JDP2: variants seen among roughly 807,000 people sequenced by gnomAD.
JDP2 encodes the protein Jun dimerization protein 2.
JDP2 carries 9 observed loss-of-function variants against 17.1 expected under a neutral mutation model. The ratio of observed to expected loss-of-function variants is 0.53; its 90% CI spans 0.32 to 0.92. JDP2 has a LOEUF of 0.92. Among genes scored for constraint, JDP2 ranks in the 40% least tolerant of loss-of-function variants. The pLI, the probability that JDP2 is intolerant of heterozygous loss-of-function variation, is 0.04. For missense variants in JDP2, 179 were observed against 220.0 expected (o/e 0.81, Z 1.18); for synonymous variants, 107 against 95.6 (o/e 1.12, Z -0.69).
rs1886801319 is a variant in JDP2, at chr14:75,471,147, A to T, written c.*1672A>T. ...GAAGCTTATGAGGCCACAGTTATAG[A>T]TTTAGTTTCTGGGAAGGCTGGATAG... On this transcript the variant is annotated 3_prime_UTR_variant, in exon 4 of 4. Transcript: ENST00000651602. 6.6e-6 allele frequency: 1 copy of T among 152,192 alleles called. No homozygotes were observed. Among genetic ancestry groups the T allele is most frequent in the South Asian group, 2.1e-4 (1 of 4,828 alleles). The allele number at this position is 152,192 out of a possible 1,614,324, so 9.4% of individuals were successfully genotyped here.
intron 2 of JDP2, among the ~76,000 whole-genome samples, chr14:75,460,414 C>T (rs1477459): frequency 0.38 from 57,319 of 151,776 alleles, 11,295 homozygotes; most frequent in South Asian, 0.45. Context: ...AAGAAAGGAA[C>T]ATTGGGTATG....
chr14:75,461,585 A>T (rs1594973461), intron 3 of JDP2, 55 bp downstream of exon 3: 2 of 1,349,036 alleles, frequency 1.5e-6, no homozygotes, highest in Admixed American at 3.9e-5. Context: ...GAGCTTGTGT[A>T]CTCTGGACCA....
intron 2 of JDP2, among the ~76,000 whole-genome samples, chr14:75,444,733 T>C (rs1390604419): frequency 1.3e-5 from 2 of 152,218 alleles, no homozygotes; most frequent in African/African-American, 2.4e-5. Flanking sequence ...AGTATGTCCG[T>C]AAATTACCTT....
At chr14:75,439,150 A>G (rs1446160693) in intron 2 of JDP2, among the ~76,000 whole-genome samples, 1 of 152,238 alleles carries the variant, frequency 6.6e-6, no homozygotes, top group Admixed American at 6.5e-5. Flanking sequence ...TTCGTGGAGA[A>G]GGGTGTCTGG....
At chr14:75,439,920 A>C (rs1259907078) in intron 2 of JDP2, among the ~76,000 whole-genome samples, 1 of 152,194 alleles carries the variant, frequency 6.6e-6, no homozygotes, top group East Asian at 1.9e-4. Context: ...GGGGTTGATG[A>C]AGAGCCAGGT....
chr14:75,459,842 G>C (rs750901004), intron 2 of JDP2, among the ~76,000 whole-genome samples: 1 of 152,210 alleles, frequency 6.6e-6, no homozygotes, highest in Non-Finnish European at 1.5e-5. Context: ...GCAGCAAGAG[G>C]TGCCACATCA....
intron 2 of JDP2, among the ~76,000 whole-genome samples, chr14:75,441,778 C>G (rs1885364049): frequency 6.6e-6 from 1 of 152,180 alleles, no homozygotes; most frequent in Non-Finnish European, 1.5e-5. Context: ...CAGAGCTTTC[C>G]TTCCTTGACT....
chr14:75,461,562 C>T, intron 3 of JDP2, 32 bp downstream of exon 3: 1 of 1,513,230 alleles, frequency 6.6e-7, no homozygotes, highest in East Asian at 2.3e-5. Context: ...GGAGGCCTGC[C>T]ATTCCTTGGA....
intron 1 of JDP2, chr14:75,432,095 C>T (rs187953917): frequency 3.5e-6 from 2 of 577,662 alleles, no homozygotes; most frequent in Non-Finnish European, 6.2e-6. Flanking sequence ...CACTCTTAAC[C>T]CCCCCTTCCT....
chr14:75,435,616 C>G (rs1249093143), intron 1 of JDP2, among the ~76,000 whole-genome samples: 1 of 152,230 alleles, frequency 6.6e-6, no homozygotes, highest in Non-Finnish European at 1.5e-5. Flanking sequence ...TCCTCTCCAG[C>G]TGTGTGACCT....
rs139260058 is a variant in JDP2 at position 75,461,230 on chromosome 14, G to A, written c.202-196G>A. Among the ~76,000 whole-genome samples the A allele has an allele frequency of 2.0e-5, 3 of 152,300 alleles. No individual in the cohort carries two copies. The East Asian group carries it at 5.8e-4, about 29-fold the overall frequency. On this transcript the variant is annotated intron_variant, in intron 2 of 3. Transcript: ENST00000651602. ...GTTTGGGCTACTGACTCCTCCCTGGGATGCTCTGAGAGGATCCTTGGACTG... is the reference window on the plus strand; with the variant it reads ...GTTTGGGCTACTGACTCCTCCCTGGAATGCTCTGAGAGGATCCTTGGACTG...
At chr14:75,467,188 G>C (rs147874557) in intron 3 of JDP2, among the ~76,000 whole-genome samples, 1 of 152,198 alleles carries the variant, frequency 6.6e-6, no homozygotes, top group Admixed American at 6.5e-5. Flanking sequence ...GATCACAGTG[G>C]AGTAGTTTTC....
chr14:75,452,991 C>T (rs1450386632), intron 2 of JDP2, among the ~76,000 whole-genome samples: 5 of 152,220 alleles, frequency 3.3e-5, no homozygotes, highest in Non-Finnish European at 7.3e-5. Flanking sequence ...CAGCTCAGCC[C>T]CATGGGGGAT....
At chr14:75,450,139 T>A (rs1294709328) in intron 2 of JDP2, among the ~76,000 whole-genome samples, 2 of 152,164 alleles carry the variant, frequency 1.3e-5, no homozygotes, top group African/African-American at 4.8e-5. Flanking sequence ...CTGGCTGAGA[T>A]ACGAGGAGAC....
In JDP2 at chr14:75,430,595, C is replaced by G. The variant is rs1225172960; in HGVS notation, c.-24+2343C>G. 6.6e-6 allele frequency among the ~76,000 whole-genome samples: 1 copy of G among 152,052 alleles called. No individual in the cohort carries two copies. Among genetic ancestry groups the G allele is most frequent in the South Asian group, 2.1e-4 (1 of 4,810 alleles). On this transcript the variant is annotated intron_variant, in intron 1 of 3. Coordinates refer to ENST00000651602, the MANE Select transcript of JDP2 (RefSeq NM_001135048.2). The surrounding 1 kb of genome is among the most constrained non-coding windows in gnomAD (Gnocchi z 4.5). ...AGGTGTGTTTGAAAACAGAGGGTCTCCTATGCCTTTGAGGAGGGTGAGAAC... is the reference window on the plus strand; with the variant it reads ...AGGTGTGTTTGAAAACAGAGGGTCTGCTATGCCTTTGAGGAGGGTGAGAAC...
chr14:75,440,694 G>A lies in JDP2; in HGVS notation c.201+2573G>A, dbSNP rs74585347. Among the ~76,000 whole-genome samples the A allele has an allele frequency of 9.3e-3, 1,414 of 152,324 alleles. 22 individuals carry two copies. The highest frequency in any genetic ancestry group is 0.033 in the African/African-American group (1,360 of 41,562). On this transcript the variant is annotated intron_variant, in intron 2 of 3. Coordinates refer to ENST00000651602, the MANE Select transcript of JDP2 (RefSeq NM_001135048.2). The stretch of plus-strand genomic sequence containing the variant: ...GGTCACACTGCTGGGAAGTGATAGC[G>A]CTGGGGCCTGGTGTGGTGGACGATG...
At chr14:75,456,122 T>C (rs1886094164) in intron 2 of JDP2, among the ~76,000 whole-genome samples, 1 of 152,184 alleles carries the variant, frequency 6.6e-6, no homozygotes, top group South Asian at 2.1e-4. Flanking sequence ...TCAAACTCCC[T>C]TCAAGCCAAG....
At position 75,459,985 on chromosome 14, in the gene JDP2, G is replaced by A. The variant is rs1886285305; in HGVS notation, c.202-1441G>A. ...GGCCTTGGGCAAATTGAACTATTGAGCCTCAGTCTCACCATCTGTAAAATG... is the reference window on the plus strand; with the variant it reads ...GGCCTTGGGCAAATTGAACTATTGAACCTCAGTCTCACCATCTGTAAAATG... On this transcript the variant is annotated intron_variant, in intron 2 of 3. Coordinates refer to ENST00000651602, the MANE Select transcript of JDP2 (RefSeq NM_001135048.2). Among the ~76,000 whole-genome samples, 3 of 152,210 alleles carry A rather than the reference G, an allele frequency of 2.0e-5. No homozygotes were observed. In the South Asian group the frequency reaches 6.2e-4, roughly 32 times the overall value.
chr14:75,469,601 C>A lies in JDP2; in HGVS notation c.*126C>A, dbSNP rs112999283. The A allele has an allele frequency of 5.2e-6, 4 of 763,660 alleles. No homozygotes were observed. Among genetic ancestry groups the A allele is most frequent in the Non-Finnish European group, 8.3e-6 (4 of 484,046 alleles). 47.3% of individuals were successfully genotyped at this position (763,660 alleles called of 1,614,324 possible). On this transcript the variant is annotated 3_prime_UTR_variant, in exon 4 of 4. Transcript: ENST00000651602. ...AAAAACTGTACAATGAGGTTCAGCA[C>A]AGCCAGCATCAGCCGAGCTTTTTTG...
Sources: gnomAD v4.1 joint callset for allele counts (sites outside exome capture counted in the v4.1 genomes callset) on GRCh38, gnomAD v4.1.1 for gene constraint, Gnocchi (gnomAD v3.1) non-coding constraint, MANE v1.5 for transcripts, NCBI Gene and HGNC (gene_info 2026-07-23, HGNC 2026-07-21) for gene names.